The following GALNT13 variants were observed in gnomAD, a reference collection of about 807,000 sequenced individuals.
GALNT13 encodes UDP-GalNAc:polypeptide N-acetylgalactosaminyltransferase 13.
GALNT13 carries 28 observed loss-of-function variants against 64.2 expected under a neutral mutation model. That is an observed-to-expected ratio of 0.44 (90% CI 0.32 to 0.60). GALNT13 has a LOEUF of 0.60. Among genes scored for constraint, GALNT13 ranks in the 20% least tolerant of loss-of-function variants. The pLI, the probability that GALNT13 is intolerant of heterozygous loss-of-function variation, is 0.05. For missense variants in GALNT13, 577 were observed against 669.8 expected, an observed-to-expected ratio of 0.86 and a Z score of 1.53; for synonymous variants, 214 against 224.6, an observed-to-expected ratio of 0.95 and a Z score of 0.42.
At chr2:153,679,361 A>T in the GALNT13 span, among the ~76,000 whole-genome samples, 1 of 151,974 alleles carries the variant, frequency 6.6e-6, no homozygotes, top group Non-Finnish European at 1.5e-5. Context: ...TTATAGTAGT[A>T]GTTTAATAAA....
the GALNT13 span, among the ~76,000 whole-genome samples, chr2:153,695,170 C>A: frequency 6.6e-6 from 1 of 152,190 alleles, no homozygotes; most frequent in Non-Finnish European, 1.5e-5. Flanking sequence ...AGACTCAGTG[C>A]CCAGGGATTT....
the GALNT13 span, among the ~76,000 whole-genome samples, chr2:153,331,627 C>CA: frequency 1.3e-5 from 2 of 151,998 alleles, no homozygotes; most frequent in East Asian, 3.9e-4. Flanking sequence ...TTCCTTTTCA[C>CA]GTTTTTTTTT....
the GALNT13 span, among the ~76,000 whole-genome samples, chr2:153,221,972 C>G: frequency 3.3e-5 from 5 of 152,200 alleles, no homozygotes; most frequent in Admixed American, 3.3e-4. Flanking sequence ...TGAAGAGCCA[C>G]AGCTCTTCTC....
the GALNT13 span, among the ~76,000 whole-genome samples, chr2:153,440,467 G>T: frequency 6.6e-6 from 1 of 152,162 alleles, no homozygotes; most frequent in African/African-American, 2.4e-5. Flanking sequence ...TATATACCCA[G>T]TAATGGGATT....
intron 3 of GALNT13, among the ~76,000 whole-genome samples, chr2:154,116,250 T>C (rs1404645755): frequency 6.6e-6 from 1 of 152,110 alleles, no homozygotes; most frequent in East Asian, 1.9e-4. Flanking sequence ...TTCATCAGGG[T>C]CCTCCCACAC....
intron 3 of GALNT13, among the ~76,000 whole-genome samples, chr2:154,109,794 C>T (rs756222497): frequency 2.6e-5 from 4 of 151,926 alleles, no homozygotes; most frequent in Non-Finnish European, 5.9e-5. Flanking sequence ...GCTGAACCAT[C>T]TTTGCATCCC....
At chr2:153,540,397 G>T in the GALNT13 span, among the ~76,000 whole-genome samples, 1 of 152,322 alleles carries the variant, frequency 6.6e-6, no homozygotes, top group South Asian at 2.1e-4. Context: ...TTGCTGCAGG[G>T]GTGAAGTCCT....
the GALNT13 span, among the ~76,000 whole-genome samples, chr2:153,321,774 CT>C: frequency 6.6e-6 from 1 of 152,108 alleles, no homozygotes; most frequent in African/African-American, 2.4e-5. Context: ...TTGGGGAAGC[CT>C]CAGGGCAGTA....
chr2:153,469,312 G>A, the GALNT13 span, among the ~76,000 whole-genome samples: 1 of 152,042 alleles, frequency 6.6e-6, no homozygotes, highest in Non-Finnish European at 1.5e-5. Context: ...TGAGCTGCAT[G>A]AGAAACAAAC....
the GALNT13 span, among the ~76,000 whole-genome samples, chr2:153,376,185 T>C: frequency 3.3e-5 from 5 of 152,248 alleles, 1 homozygote; most frequent in South Asian, 8.3e-4. Flanking sequence ...CAAATTTGGA[T>C]CTTGATAATT....
chr2:154,175,546 C>T (rs1685598477), intron 4 of GALNT13, among the ~76,000 whole-genome samples: 1 of 152,080 alleles, frequency 6.6e-6, no homozygotes, highest in Non-Finnish European at 1.5e-5. Context: ...TTGGAACAAG[C>T]AGGATATTTT....
the GALNT13 span, among the ~76,000 whole-genome samples, chr2:153,194,209 C>T: frequency 6.6e-6 from 1 of 152,130 alleles, no homozygotes; most frequent in African/African-American, 2.4e-5. Context: ...TTATCTTCAT[C>T]TTCTGGAACA....
At chr2:153,929,539 T>C (rs1233631523) in intron 2 of GALNT13, among the ~76,000 whole-genome samples, 3 of 152,118 alleles carry the variant, frequency 2.0e-5, no homozygotes, top group Non-Finnish European at 4.4e-5. Flanking sequence ...CTGTTTTTTC[T>C]TCTTTATGTC....
the GALNT13 span, among the ~76,000 whole-genome samples, chr2:153,332,361 G>T: frequency 6.6e-6 from 1 of 151,984 alleles, no homozygotes; most frequent in East Asian, 1.9e-4. Context: ...CAGATATTGT[G>T]ATATGCTGTA....
the GALNT13 span, among the ~76,000 whole-genome samples, chr2:153,509,363 G>T: frequency 2.6e-5 from 4 of 152,228 alleles, no homozygotes; most frequent in Non-Finnish European, 4.4e-5. Flanking sequence ...CACGGAGTGC[G>T]CAGACCTGGC....
the GALNT13 span, among the ~76,000 whole-genome samples, chr2:153,205,669 C>G: frequency 6.6e-6 from 1 of 152,074 alleles, no homozygotes; most frequent in Non-Finnish European, 1.5e-5. Context: ...TTCCAATAAG[C>G]CTTGCTGAGC....
At chr2:153,244,491 A>G in the GALNT13 span, among the ~76,000 whole-genome samples, 1 of 152,216 alleles carries the variant, frequency 6.6e-6, no homozygotes, top group Non-Finnish European at 1.5e-5. Flanking sequence ...CAGTGGGTAC[A>G]ACCCACGGAG....
intron 4 of GALNT13, among the ~76,000 whole-genome samples, chr2:154,207,981 T>G (rs1182794613): frequency 2.6e-5 from 4 of 152,236 alleles, no homozygotes; most frequent in Non-Finnish European, 5.9e-5. Context: ...CTTCCTGTAA[T>G]TCTGCACTGC....
intron 8 of GALNT13, among the ~76,000 whole-genome samples, chr2:154,259,884 G>A (rs1690595618): frequency 6.6e-6 from 1 of 151,568 alleles, no homozygotes; most frequent in Non-Finnish European, 1.5e-5. Flanking sequence ...TTTTGTTATT[G>A]TTGTTGTTGT....
Sources: gnomAD v4.1 joint callset for allele counts (sites outside exome capture counted in the v4.1 genomes callset) on GRCh38, gnomAD v4.1.1 for gene constraint, MANE v1.5 for transcripts, NCBI Gene and HGNC (gene_info 2026-07-23, HGNC 2026-07-21) for gene names.